Variants in PAG1 observed in about 807,000 individuals in gnomAD.
The protein encoded by PAG1 is phosphoprotein associated with glycosphingolipid-enriched microdomains 1.
Under a neutral mutation model 31.7 loss-of-function variants are expected in PAG1, and 23 were observed. That is an observed-to-expected ratio of 0.73 (90% CI 0.52 to 1.03). PAG1 has a LOEUF of 1.03. Ranked by LOEUF, PAG1 falls within the 50% of genes least tolerant of loss-of-function variation. The pLI, the probability that PAG1 is intolerant of heterozygous loss-of-function variation, is 0.00. For missense variants in PAG1, 473 were observed against 540.7 expected (o/e 0.87, Z 1.24); for synonymous variants, 214 against 210.3 (o/e 1.02, Z -0.15).
chr8:81,016,754 C>T (rs1267165275), intron 3 of PAG1, among the ~76,000 whole-genome samples: 6 of 152,192 alleles, frequency 3.9e-5, no homozygotes, highest in African/African-American at 1.4e-4. Context: ...AAATCTCTTT[C>T]CCCACTCCTT....
chr8:81,080,777 T>C (rs565127671), intron 1 of PAG1, among the ~76,000 whole-genome samples: 26 of 152,258 alleles, frequency 1.7e-4, no homozygotes, highest in Non-Finnish European at 3.4e-4. Flanking sequence ...GCAAACAAAA[T>C]ATGCTTGAGG....
chr8:81,072,411 T>C (rs145111486), intron 1 of PAG1, among the ~76,000 whole-genome samples: 1 of 152,362 alleles, frequency 6.6e-6, no homozygotes, highest in Non-Finnish European at 1.5e-5. Context: ...GAGAATTCTT[T>C]GTTTTGAGGG....
At chr8:81,040,654 T>C (rs1448974622) in intron 2 of PAG1, 1 of 150,008 alleles carries the variant, frequency 6.7e-6, no homozygotes, top group Non-Finnish European at 1.5e-5. Context: ...GGCTCTTCCA[T>C]TTATTTACTA....
chr8:81,003,549 G>A lies in PAG1; in HGVS notation c.-80-10242C>T, dbSNP rs550276213. Among the ~76,000 whole-genome samples the A allele has an allele frequency of 3.9e-5, 6 of 152,228 alleles. No homozygotes were observed. In the South Asian group the frequency reaches 1.0e-3, roughly 26 times the overall value. On this transcript the variant is annotated intron_variant, in intron 3 of 8. Transcript: ENST00000220597. ...GAGTCTGGTAAAATGGCAGTGATCG[G>A]GTACATTGCTGCTACGTAGAAGTAC...
At chr8:81,065,035 C>A (rs1808980351) in intron 2 of PAG1, among the ~76,000 whole-genome samples, 1 of 152,144 alleles carries the variant, frequency 6.6e-6, no homozygotes, top group Non-Finnish European at 1.5e-5. Context: ...AAACCTCTGG[C>A]AAGGGATCTG....
At chr8:81,047,568 G>T (rs1241541355) in intron 2 of PAG1, among the ~76,000 whole-genome samples, 1 of 152,138 alleles carries the variant, frequency 6.6e-6, no homozygotes, top group Non-Finnish European at 1.5e-5. Flanking sequence ...AAATCAAAAG[G>T]CTCTTGTCTC....
intron 2 of PAG1, among the ~76,000 whole-genome samples, chr8:81,049,042 C>T (rs1586187740): frequency 3.3e-5 from 5 of 152,296 alleles, no homozygotes; most frequent in Middle Eastern, 6.8e-3. Context: ...TGCTAGCATA[C>T]AATCATTACA....
At chr8:81,065,502 C>T (rs1348258969) in intron 2 of PAG1, among the ~76,000 whole-genome samples, 1 of 152,118 alleles carries the variant, frequency 6.6e-6, no homozygotes, top group Non-Finnish European at 1.5e-5. Context: ...TTCAGAAACT[C>T]GCCATAGGTC....
In PAG1 at chr8:80,979,614, T is replaced by C. The variant is rs1432622406; in HGVS notation, c.936+821A>G. ...TTTGAACATTCAACGTGGGTGTCTATGTCCATATTCTAATGCTTTACTCAG... is the reference window on the plus strand; with the variant it reads ...TTTGAACATTCAACGTGGGTGTCTACGTCCATATTCTAATGCTTTACTCAG... On this transcript the variant is annotated intron_variant, in intron 8 of 8. Coordinates refer to ENST00000220597, the MANE Select transcript of PAG1 (RefSeq NM_018440.4). 2.6e-5 allele frequency among the ~76,000 whole-genome samples: 4 copies of C among 152,178 alleles called. No homozygotes were observed. The East Asian group carries it at 5.8e-4, about 22-fold the overall frequency.
intron 2 of PAG1, among the ~76,000 whole-genome samples, chr8:81,048,450 T>C (rs566034205): frequency 1.3e-5 from 2 of 152,252 alleles, no homozygotes; most frequent in Admixed American, 1.3e-4. Flanking sequence ...GGAGTAGGGC[T>C]ACCATCCATG....
intron 2 of PAG1, among the ~76,000 whole-genome samples, chr8:81,042,739 G>C (rs978586659): frequency 6.6e-6 from 1 of 152,044 alleles, no homozygotes. Context: ...ATGAAGAGAA[G>C]GGGTAAAGAC....
At chr8:81,058,236 T>C (rs961224397) in intron 2 of PAG1, among the ~76,000 whole-genome samples, 3 of 152,208 alleles carry the variant, frequency 2.0e-5, no homozygotes, top group Admixed American at 6.5e-5. Context: ...TAGATTCTTA[T>C]AGCAGTTTTG....
chr8:81,063,392 C>T (rs1442959817), intron 2 of PAG1, among the ~76,000 whole-genome samples: 1 of 152,194 alleles, frequency 6.6e-6, no homozygotes, highest in African/African-American at 2.4e-5. Flanking sequence ...TGGTCTGGAG[C>T]TCTCTGCGAC....
chr8:81,008,514 T>C (rs1807926008), intron 3 of PAG1, among the ~76,000 whole-genome samples: 1 of 149,260 alleles, frequency 6.7e-6, no homozygotes. Flanking sequence ...TCTCCCAAAG[T>C]ATAATACTAC....
chr8:80,993,294 C>A lies in PAG1; in HGVS notation c.-67G>T. 6.6e-7 allele frequency: 1 copy of A among 1,516,468 alleles called. No homozygotes were observed. Among genetic ancestry groups the A allele is most frequent in the Non-Finnish European group, 8.9e-7 (1 of 1,122,508 alleles). The allele number at this position is 1,516,468 out of a possible 1,614,324, so 93.9% of individuals were successfully genotyped here. On this transcript the variant is annotated 5_prime_UTR_variant, in exon 4 of 9. Transcript: ENST00000220597. ...TCCTTCAAAGGTGGTGACATGGAGG[C>A]AGAGAGCTGTGTCCTGCAAAGAGAC...
chr8:81,070,551 C>A (rs890626711), intron 1 of PAG1, among the ~76,000 whole-genome samples: 2 of 152,056 alleles, frequency 1.3e-5, no homozygotes, highest in African/African-American at 4.8e-5. Context: ...CAGCACTGCA[C>A]CTGCACACCT....
chr8:80,994,692 T>G (rs1345707879), intron 3 of PAG1, among the ~76,000 whole-genome samples: 1 of 152,176 alleles, frequency 6.6e-6, no homozygotes, highest in African/African-American at 2.4e-5. Context: ...GTCCCAATAC[T>G]TCGAAACAGA....
chr8:80,993,434 G>A, intron 3 of PAG1, 127 bp from the exon 4 acceptor site: 1 of 498,320 alleles, frequency 2.0e-6, no homozygotes, highest in Non-Finnish European at 3.5e-6. Flanking sequence ...GCTGAGGAGA[G>A]CCCCGGACTG....
At chr8:81,023,021 G>T (rs1443039933) in intron 3 of PAG1, among the ~76,000 whole-genome samples, 2 of 152,066 alleles carry the variant, frequency 1.3e-5, no homozygotes, top group Non-Finnish European at 2.9e-5. Context: ...CTTCTTTAAA[G>T]ATTTCATGTT....
Sources: allele counts gnomAD v4.1 joint callset (sites outside exome capture counted in the v4.1 genomes callset), GRCh38; gene constraint gnomAD v4.1.1; transcripts MANE v1.5; gene names NCBI Gene and HGNC (gene_info 2026-07-23, HGNC 2026-07-21).